The following SLC24A2 variants were observed in gnomAD, a reference collection of about 807,000 sequenced individuals.
The protein encoded by SLC24A2 is sodium/potassium/calcium exchanger 2.
SLC24A2 carries 36 observed loss-of-function variants against 62.0 expected under a neutral mutation model. The ratio of observed to expected loss-of-function variants is 0.58; its 90% CI spans 0.44 to 0.77. SLC24A2 has a LOEUF of 0.77. SLC24A2 is among the 30% of genes least tolerant of loss of function. The pLI is 0.00. For missense variants in SLC24A2, 846 were observed against 817.9 expected (o/e 1.03, Z -0.42); for synonymous variants, 358 against 294.0 (o/e 1.22, Z -2.23).
the SLC24A2 span, among the ~76,000 whole-genome samples, chr9:20,132,510 C>T: frequency 6.6e-6 from 1 of 152,036 alleles, no homozygotes; most frequent in Non-Finnish European, 1.5e-5. Flanking sequence ...CTACATGGGT[C>T]ACATTATAAG....
At chr9:19,961,071 G>GAGAGAAGAAAGGAGAA in the SLC24A2 span, among the ~76,000 whole-genome samples, 1 of 149,444 alleles carries the variant, frequency 6.7e-6, no homozygotes, top group Non-Finnish European at 1.5e-5. Context: ...AAAGGAGAAA[G>GAGAGAAGAAAGGAGAA]AGAGAAGAAA....
intron 2 of SLC24A2, among the ~76,000 whole-genome samples, chr9:19,669,953 T>C (rs1459507786): frequency 2.6e-5 from 4 of 152,238 alleles, no homozygotes; most frequent in East Asian, 3.8e-4. Context: ...TTGGAGAACA[T>C]CCCACAATTA....
chr9:20,214,693 A>G, the SLC24A2 span, among the ~76,000 whole-genome samples: 5 of 152,222 alleles, frequency 3.3e-5, no homozygotes, highest in East Asian at 9.6e-4. Context: ...TAAAATGATA[A>G]TAAGTTTGTT....
chr9:20,184,808 G>A, the SLC24A2 span, among the ~76,000 whole-genome samples: 482 of 152,120 alleles, frequency 3.2e-3, 8 homozygotes, highest in African/African-American at 0.011. Context: ...ACACTCTCAT[G>A]TTCACTGCAG....
chr9:19,668,016 T>C (rs1336413638), intron 2 of SLC24A2, among the ~76,000 whole-genome samples: 1 of 152,176 alleles, frequency 6.6e-6, no homozygotes, highest in Non-Finnish European at 1.5e-5. Flanking sequence ...ATTTTTAATG[T>C]TTTAATTCCC....
chr9:19,654,681 T>G (rs1168090262), intron 2 of SLC24A2, among the ~76,000 whole-genome samples: 1 of 152,168 alleles, frequency 6.6e-6, no homozygotes, highest in East Asian at 1.9e-4. Flanking sequence ...TAGCTGTCCT[T>G]TTTTTTCATT....
At chr9:19,912,661 T>C in the SLC24A2 span, among the ~76,000 whole-genome samples, 1 of 152,132 alleles carries the variant, frequency 6.6e-6, no homozygotes, top group African/African-American at 2.4e-5. Flanking sequence ...AGTTTTCACA[T>C]CGTTTATAAA....
chr9:20,258,216 T>C, the SLC24A2 span, among the ~76,000 whole-genome samples: 1 of 152,178 alleles, frequency 6.6e-6, no homozygotes, highest in Admixed American at 6.5e-5. Flanking sequence ...ATTATCAATT[T>C]TGGCTGTTAA....
At chr9:19,901,086 C>T in the SLC24A2 span, among the ~76,000 whole-genome samples, 2 of 152,182 alleles carry the variant, frequency 1.3e-5, no homozygotes, top group Admixed American at 1.3e-4. Context: ...TTCATTTAGC[C>T]AGTCGTGCAG....
At chr9:19,827,515 A>T in the SLC24A2 span, among the ~76,000 whole-genome samples, 104,800 of 151,306 alleles carry the variant, frequency 0.69, 40,533 homozygotes, top group Non-Finnish European at 0.87. Flanking sequence ...TATATATATA[A>T]AAATTAGCTT....
the SLC24A2 span, among the ~76,000 whole-genome samples, chr9:20,171,771 C>T: frequency 2.0e-5 from 3 of 152,118 alleles, no homozygotes; most frequent in African/African-American, 7.2e-5. Flanking sequence ...AAGTGGGGGA[C>T]TTCAATGCTC....
At chr9:20,087,232 CTA>C in the SLC24A2 span, among the ~76,000 whole-genome samples, 2,118 of 152,302 alleles carry the variant, frequency 0.014, 45 homozygotes, top group African/African-American at 0.049. Context: ...TGAGCACCTA[CTA>C]TATGCCAGAC....
chr9:19,558,633 C>T (rs1835227465), intron 7 of SLC24A2, among the ~76,000 whole-genome samples: 1 of 152,142 alleles, frequency 6.6e-6, no homozygotes, highest in Admixed American at 6.6e-5. Context: ...CTAACTTTAG[C>T]AAGAACTGAA....
chr9:19,559,711 A>T (rs1296611106), intron 7 of SLC24A2, among the ~76,000 whole-genome samples: 2 of 152,204 alleles, frequency 1.3e-5, no homozygotes, highest in African/African-American at 4.8e-5. Context: ...GTAAGTTTAA[A>T]TCACACTACA....
the SLC24A2 span, among the ~76,000 whole-genome samples, chr9:19,847,090 T>G: frequency 6.6e-6 from 1 of 152,180 alleles, no homozygotes; most frequent in Non-Finnish European, 1.5e-5. Context: ...CTTCTCTAAT[T>G]ATTTGACATT....
intron 4 of SLC24A2, among the ~76,000 whole-genome samples, chr9:19,597,640 A>AC (rs1244446836): frequency 1.3e-5 from 2 of 152,212 alleles, no homozygotes. Context: ...CTGAACAAGG[A>AC]CAACGTCCAG....
chr9:20,206,197 G>C, the SLC24A2 span, among the ~76,000 whole-genome samples: 1 of 152,282 alleles, frequency 6.6e-6, no homozygotes, highest in East Asian at 1.9e-4. Flanking sequence ...TCATGTCAAA[G>C]AATATACACA....
At chr9:19,955,036 T>C in the SLC24A2 span, among the ~76,000 whole-genome samples, 1 of 152,182 alleles carries the variant, frequency 6.6e-6, no homozygotes, top group Admixed American at 6.5e-5. Flanking sequence ...AAAAATTATT[T>C]TATTTCTCTA....
At chr9:20,136,869 T>C in the SLC24A2 span, among the ~76,000 whole-genome samples, 1 of 152,126 alleles carries the variant, frequency 6.6e-6, no homozygotes, top group Admixed American at 6.6e-5. Context: ...ACACATTTTC[T>C]CTTAATACCA....
Sources: gnomAD v4.1 joint callset for allele counts (sites outside exome capture counted in the v4.1 genomes callset) on GRCh38, gnomAD v4.1.1 for gene constraint, MANE v1.5 for transcripts, NCBI Gene and HGNC (gene_info 2026-07-23, HGNC 2026-07-21) for gene names.